Variants in TMEFF2 observed in about 807,000 individuals in gnomAD.
TMEFF2 encodes transmembrane protein with EGF like and two follistatin like domains 2.
Under a neutral mutation model 53.8 loss-of-function variants are expected in TMEFF2, and 28 were observed. The ratio of observed to expected loss-of-function variants is 0.52; its 90% CI spans 0.39 to 0.71. The LOEUF is 0.71. TMEFF2 is among the 30% of genes least tolerant of loss of function. The pLI, the probability that TMEFF2 is intolerant of heterozygous loss-of-function variation, is 0.00. For missense variants in TMEFF2, 353 were observed against 455.2 expected, an observed-to-expected ratio of 0.78 and a Z score of 2.04; for synonymous variants, 162 against 166.3, an observed-to-expected ratio of 0.97 and a Z score of 0.20.
intron 4 of TMEFF2, among the ~76,000 whole-genome samples, chr2:192,065,885 C>T (rs1367973350): frequency 1.3e-5 from 2 of 151,644 alleles, no homozygotes; most frequent in African/African-American, 4.8e-5. Context: ...TTAATTTGTA[C>T]AACTTGCCTA....
At chr2:192,046,689 TCCC>T (rs898417367) in intron 5 of TMEFF2, among the ~76,000 whole-genome samples, 2 of 152,078 alleles carry the variant, frequency 1.3e-5, no homozygotes, top group African/African-American at 4.8e-5. Context: ...TTTTCTTTCT[TCCC>T]CCCAAGTCTG....
chr2:192,002,562 T>A (rs6434523), intron 5 of TMEFF2, among the ~76,000 whole-genome samples: 146,604 of 152,062 alleles, frequency 0.96, 70,905 homozygotes, highest in East Asian at 1. Context: ...GGGCGTGGTG[T>A]CTCATGCCTG....
intron 5 of TMEFF2, among the ~76,000 whole-genome samples, chr2:192,045,055 C>T (rs1574321299): frequency 6.6e-6 from 1 of 152,190 alleles, no homozygotes. Context: ...AGGACCTTCT[C>T]TCTCCCGCCT....
rs181284127 is a variant in TMEFF2, at chr2:192,049,488, C to A, written c.536+8191G>T. Among the ~76,000 whole-genome samples, 7 of 152,254 alleles carry A rather than the reference C, an allele frequency of 4.6e-5. No individual in the cohort carries two copies. The East Asian group carries it at 1.4e-3, about 29-fold the overall frequency. On this transcript the variant is annotated intron_variant, in intron 5 of 9. Transcript: ENST00000272771. ...ACTACAATGAGATTCCTATTATTAT[C>A]TTTGAGACTGGGATGTTACACTGGG...
At chr2:192,088,974 T>C (rs1688728950) in intron 4 of TMEFF2, among the ~76,000 whole-genome samples, 1 of 152,114 alleles carries the variant, frequency 6.6e-6, no homozygotes, top group Non-Finnish European at 1.5e-5. Flanking sequence ...ATCAATAAAC[T>C]CTTTGAGGAT....
chr2:191,969,709 C>G (rs1463854849), intron 7 of TMEFF2, among the ~76,000 whole-genome samples: 1 of 120,522 alleles, frequency 8.3e-6, no homozygotes. Flanking sequence ...ATCTGGAGTA[C>G]TGCCATTTGA....
intron 7 of TMEFF2, among the ~76,000 whole-genome samples, chr2:191,983,391 C>CTTTT (rs11396477): frequency 1.4e-5 from 2 of 144,390 alleles, no homozygotes. Context: ...GCATCTTAGC[C>CTTTT]TTTTTTTTTT....
In TMEFF2 at chr2:191,950,359, C is replaced by T. The variant is rs780947464; in HGVS notation, c.1077G>A (p.Gly359=). 1.4e-5 allele frequency: 22 copies of T among 1,613,568 alleles called. No homozygotes were observed. The African/African-American group carries it at 2.8e-4, about 21-fold the overall frequency. Residue 359 remains glycine (G), a synonymous_variant, in exon 10 of 10, where the codon GGG becomes GGA. Transcript: ENST00000272771. Reference sequence around the variant, plus strand: ...TTGTTGTATTGTCTGAACTGTAGTGCCCTGTATTTTGCTTCTGTCTGTGAA... The same window carrying T: ...TTGTTGTATTGTCTGAACTGTAGTGTCCTGTATTTTGCTTCTGTCTGTGAA... ...NRIHRQKQNT[G]HYSSDNTTRA...
chr2:191,953,840 G>A lies in TMEFF2; in HGVS notation c.870-3C>T. On this transcript the variant is annotated splice_polypyrimidine_tract_variant and splice_region_variant and intron_variant, in intron 8 of 9. Transcript: ENST00000272771. ...GTCCAGTATAACCAGCATCACACCT[G>A]GAAGAAATTATAGTGCCCAGTTACC... 4 of 1,589,450 alleles carry A rather than the reference G, an allele frequency of 2.5e-6. No homozygotes were observed. In the South Asian group the frequency reaches 3.3e-5, roughly 13 times the overall value.
chr2:192,057,608 T>C (rs1687942683), intron 5 of TMEFF2, 71 bp downstream of exon 5: 3 of 1,242,612 alleles, frequency 2.4e-6, no homozygotes, highest in East Asian at 2.3e-5. Flanking sequence ...TGTTGCAGAA[T>C]GGTTGATGGT....
intron 4 of TMEFF2, among the ~76,000 whole-genome samples, chr2:192,110,032 G>C (rs1689239203): frequency 2.0e-5 from 3 of 152,010 alleles, no homozygotes; most frequent in Admixed American, 1.3e-4. Context: ...AAAAAGGATG[G>C]GGGGAGTCTG....
chr2:192,048,033 T>C (rs1216384846), intron 5 of TMEFF2, among the ~76,000 whole-genome samples: 1 of 152,216 alleles, frequency 6.6e-6, no homozygotes, highest in African/African-American at 2.4e-5. Flanking sequence ...GTGGAAATGT[T>C]TTCAGTTAAC....
At chr2:191,956,090 G>T (rs931123656) in intron 8 of TMEFF2, among the ~76,000 whole-genome samples, 165 bp downstream of exon 8, 2 of 151,122 alleles carry the variant, frequency 1.3e-5, no homozygotes, top group Non-Finnish European at 3.0e-5. Flanking sequence ...TTTAGTGTGT[G>T]AGTATGTGTG....
intron 9 of TMEFF2, among the ~76,000 whole-genome samples, chr2:191,953,327 A>G (rs1467035805): frequency 1.3e-5 from 2 of 152,240 alleles, no homozygotes; most frequent in Non-Finnish European, 2.9e-5. Flanking sequence ...TGTGACTGAA[A>G]ACTATTTTGT....
intron 7 of TMEFF2, among the ~76,000 whole-genome samples, chr2:191,961,449 G>C (rs1187244836): frequency 1.3e-5 from 2 of 152,088 alleles, no homozygotes; most frequent in Non-Finnish European, 2.9e-5. Context: ...TGACAGTAGA[G>C]GGAAACTCCA....
chr2:192,079,449 C>A (rs560180708), intron 4 of TMEFF2, among the ~76,000 whole-genome samples: 1 of 152,298 alleles, frequency 6.6e-6, no homozygotes, highest in East Asian at 1.9e-4. Flanking sequence ...ATGACTATTT[C>A]TCAGAGGACC....
intron 5 of TMEFF2, among the ~76,000 whole-genome samples, chr2:192,004,301 A>C (rs2105842320): frequency 6.6e-6 from 1 of 152,286 alleles, no homozygotes; most frequent in Non-Finnish European, 1.5e-5. Context: ...CAGGAAACAA[A>C]CAGTTAGTAA....
rs112915433 is a variant in TMEFF2, at chr2:192,194,637, C to T, written c.-113G>A. 3.2e-5 allele frequency: 40 copies of T among 1,259,438 alleles called. No homozygotes were observed. In the African/African-American group the frequency reaches 5.4e-4, roughly 17 times the overall value. 78.0% of individuals were successfully genotyped at this position (1,259,438 alleles called of 1,614,324 possible). A position where few individuals can be genotyped will look rare whatever the true frequency, so the allele number is the denominator to read the frequency against. ...CGGACGGCGGCAGCAGAGGCGGCGGCGGTGGCAGTGGCACCCGGCGGGGAA... is the reference window on the plus strand; with the variant it reads ...CGGACGGCGGCAGCAGAGGCGGCGGTGGTGGCAGTGGCACCCGGCGGGGAA... On this transcript the variant is annotated 5_prime_UTR_variant, in exon 1 of 10. Coordinates refer to ENST00000272771, the MANE Select transcript of TMEFF2 (RefSeq NM_016192.4). This position sits in a 1 kb window ranked among gnomAD's most constrained non-coding sequence, Gnocchi z 4.2.
At chr2:191,980,322 A>G (rs1025245576) in intron 7 of TMEFF2, among the ~76,000 whole-genome samples, 6 of 152,184 alleles carry the variant, frequency 3.9e-5, no homozygotes, top group African/African-American at 1.2e-4. Context: ...TGTGAAGGGC[A>G]GGCCAGGAGA....
Sources: gnomAD v4.1 joint callset for allele counts (sites outside exome capture counted in the v4.1 genomes callset) on GRCh38, gnomAD v4.1.1 for gene constraint, Gnocchi (gnomAD v3.1) non-coding constraint, MANE v1.5 for transcripts, NCBI Gene and HGNC (gene_info 2026-07-23, HGNC 2026-07-21) for gene names.